EVA1C: variants seen among roughly 807,000 people sequenced by gnomAD.
The protein encoded by EVA1C is eva-1 homolog C.
A neutral mutation model predicts 45.4 loss-of-function variants in EVA1C; 25 were observed. The ratio of observed to expected loss-of-function variants is 0.55; its 90% CI spans 0.40 to 0.77. EVA1C has a LOEUF of 0.77. Ranked by LOEUF, EVA1C falls within the 30% of genes least tolerant of loss-of-function variation. The probability of loss-of-function intolerance (pLI) is 0.00; values close to 1 mark genes in which losing one functional copy is unlikely to be tolerated. For synonymous variants in EVA1C, 190 were observed against 221.2 expected (o/e 0.86, Z 1.25); for missense variants, 479 against 554.8 (o/e 0.86, Z 1.37).
At chr21:32,456,357 T>C (rs1404002620) in intron 2 of EVA1C, among the ~76,000 whole-genome samples, 2 of 152,226 alleles carry the variant, frequency 1.3e-5, no homozygotes, top group Non-Finnish European at 2.9e-5. Context: ...TGACATAGTT[T>C]GGAAATAGCC....
intron 1 of EVA1C, among the ~76,000 whole-genome samples, chr21:32,446,410 CT>C (rs1235762578): frequency 6.6e-6 from 1 of 152,198 alleles, no homozygotes; most frequent in African/African-American, 2.4e-5. Context: ...TGTAAAAGCT[CT>C]GGCTGAAACT....
intron 4 of EVA1C, among the ~76,000 whole-genome samples, chr21:32,490,082 A>C (rs1027526402): frequency 6.6e-6 from 1 of 152,108 alleles, no homozygotes; most frequent in Non-Finnish European, 1.5e-5. Flanking sequence ...GGGATTACAG[A>C]CATGAGCCAC....
chr21:32,456,471 C>G (rs1339129576), intron 2 of EVA1C, among the ~76,000 whole-genome samples: 1 of 152,218 alleles, frequency 6.6e-6, no homozygotes, highest in East Asian at 1.9e-4. Flanking sequence ...ATGCAGTCAT[C>G]TGAAAGCTGC....
chr21:32,486,746 T>C (rs1471215548), intron 4 of EVA1C, among the ~76,000 whole-genome samples: 1 of 152,196 alleles, frequency 6.6e-6, no homozygotes, highest in African/African-American at 2.4e-5. Context: ...AGGAGAATAA[T>C]ATAGTGCATT....
At chr21:32,501,966 C>CCT (rs373136384) in intron 6 of EVA1C, among the ~76,000 whole-genome samples, 181 of 149,166 alleles carry the variant, frequency 1.2e-3, no homozygotes, top group African/African-American at 1.8e-3. Flanking sequence ...TCTCTCCCTC[C>CCT]CTCTCTCTCT....
intron 5 of EVA1C, among the ~76,000 whole-genome samples, chr21:32,496,190 A>G (rs2037347679): frequency 6.6e-6 from 1 of 152,218 alleles, no homozygotes. Context: ...GCAACCACCC[A>G]TCTACTTTCT....
At chr21:32,493,790 A>G (rs956716488) in intron 4 of EVA1C, 1 of 150,194 alleles carries the variant, frequency 6.7e-6, no homozygotes, top group East Asian at 1.9e-4. Context: ...TTATTTATTT[A>G]TTTATTTATT....
At chr21:32,413,901 C>A (rs781171103) in intron 1 of EVA1C, among the ~76,000 whole-genome samples, 15 of 152,206 alleles carry the variant, frequency 9.9e-5, no homozygotes, top group Non-Finnish European at 1.3e-4. Flanking sequence ...GCCCCATACT[C>A]CTCCTTCTCC....
chr21:32,420,881 C>T (rs1157768616), intron 1 of EVA1C, among the ~76,000 whole-genome samples: 2 of 152,148 alleles, frequency 1.3e-5, no homozygotes, highest in East Asian at 3.8e-4. Context: ...CTTTCTAATA[C>T]CAAGGGAATA....
intron 7 of EVA1C, among the ~76,000 whole-genome samples, chr21:32,512,680 A>T (rs1234862519): frequency 6.6e-6 from 1 of 152,200 alleles, no homozygotes; most frequent in Non-Finnish European, 1.5e-5. Flanking sequence ...GGAAAAGACT[A>T]TAAATGGATG....
chr21:32,439,594 C>T (rs1022465143), intron 1 of EVA1C, among the ~76,000 whole-genome samples: 4 of 152,156 alleles, frequency 2.6e-5, no homozygotes, highest in South Asian at 2.1e-4. Flanking sequence ...AATCCTCCAC[C>T]GAGCCAATGG....
chr21:32,467,375 TGAGA>T (rs1205792810), intron 3 of EVA1C, among the ~76,000 whole-genome samples: 1 of 152,104 alleles, frequency 6.6e-6, no homozygotes, highest in Non-Finnish European at 1.5e-5. Context: ...AAGTGGTGAG[TGAGA>T]GAAACTTCCT....
In EVA1C at chr21:32,475,929, A is replaced by ATC. The variant is rs1264102520; in HGVS notation, c.634+8082_634+8083insCT. On this transcript the variant is annotated intron_variant, in intron 4 of 7. Coordinates refer to ENST00000300255, the MANE Select transcript of EVA1C (RefSeq NM_058187.5). ...TATCTATCTATCTATCTATCTATCT[A>ATC]TATAAACAGGAATGTATAACTGTGG... 2.2e-3 allele frequency among the ~76,000 whole-genome samples: 340 copies of ATC among 151,754 alleles called. 1 individual carries two copies. Among genetic ancestry groups the ATC allele is most frequent in the East Asian group, 0.021 (108 of 5,162 alleles).
At chr21:32,423,384 T>C (rs2034364438) in intron 1 of EVA1C, among the ~76,000 whole-genome samples, 1 of 152,056 alleles carries the variant, frequency 6.6e-6, no homozygotes, top group Non-Finnish European at 1.5e-5. Context: ...GTCTAAAGCC[T>C]CTCAGGTACC....
Position 32,412,747 on chromosome 21 carries a change from C to T in EVA1C, c.-107C>T, listed in dbSNP as rs1436452416. The stretch of plus-strand genomic sequence containing the variant: ...CCTGGGCAGGGAGGCGGCGGGGGGC[C>T]GCGGAGCCGCTGGCCATCGATTCTC... On this transcript the variant is annotated 5_prime_UTR_variant, in exon 1 of 8. Coordinates refer to ENST00000300255, the MANE Select transcript of EVA1C (RefSeq NM_058187.5). 5 of 1,170,426 alleles carry T rather than the reference C, an allele frequency of 4.3e-6. No homozygotes were observed. In the East Asian group the frequency reaches 1.6e-4, roughly 38 times the overall value. The allele number at this position is 1,170,426 out of a possible 1,614,324, so 72.5% of individuals were successfully genotyped here.
At chr21:32,449,361 C>T (rs1456891118) in intron 1 of EVA1C, among the ~76,000 whole-genome samples, 2 of 152,200 alleles carry the variant, frequency 1.3e-5, no homozygotes, top group Admixed American at 1.3e-4. Flanking sequence ...CCTCTGTGTT[C>T]CACCAATTCA....
At chr21:32,475,606 C>CA (rs1037360602) in intron 4 of EVA1C, among the ~76,000 whole-genome samples, 4 of 150,712 alleles carry the variant, frequency 2.7e-5, no homozygotes, top group East Asian at 1.9e-4. Flanking sequence ...TCCACGTGGC[C>CA]AAAAAAAATC....
intron 1 of EVA1C, among the ~76,000 whole-genome samples, chr21:32,441,832 C>T (rs937629132): frequency 1.3e-5 from 2 of 152,102 alleles, no homozygotes; most frequent in Non-Finnish European, 2.9e-5. Context: ...ATGTTAACTA[C>T]AAGAATTCAA....
chr21:32,485,900 A>T (rs578150542), intron 4 of EVA1C, among the ~76,000 whole-genome samples: 1 of 152,324 alleles, frequency 6.6e-6, no homozygotes, highest in South Asian at 2.1e-4. Context: ...TTTCTTGGTC[A>T]TATCACAGTC....
Sources: allele counts gnomAD v4.1 joint callset (sites outside exome capture counted in the v4.1 genomes callset), GRCh38; gene constraint gnomAD v4.1.1; transcripts MANE v1.5; gene names NCBI Gene and HGNC (gene_info 2026-07-23, HGNC 2026-07-21).